Variants in PTPRA observed in about 807,000 individuals in gnomAD.
PTPRA encodes protein tyrosine phosphatase receptor type A, also known as receptor-type tyrosine-protein phosphatase alpha.
A neutral mutation model predicts 104.8 loss-of-function variants in PTPRA; 25 were observed. The observed-to-expected ratio is 0.24, with a 90% CI of 0.17 to 0.33. PTPRA has a LOEUF of 0.33. PTPRA is among the 10% of genes least tolerant of loss of function. PTPRA has a pLI of 1.00. For synonymous variants in PTPRA, 323 were observed against 368.9 expected, an observed-to-expected ratio of 0.88 and a Z score of 1.43; for missense variants, 765 against 1,015.3, an observed-to-expected ratio of 0.75 and a Z score of 3.35.
chr20:2,892,281 C>A (rs2058828304), intron 1 of PTPRA, among the ~76,000 whole-genome samples: 1 of 121,394 alleles, frequency 8.2e-6, no homozygotes, highest in African/African-American at 3.2e-5. Flanking sequence ...CAGAATGAGA[C>A]TCTGTCTCAA....
At chr20:2,987,035 T>C (rs2062939023) in intron 7 of PTPRA, among the ~76,000 whole-genome samples, 186 bp downstream of exon 7, 1 of 152,160 alleles carries the variant, frequency 6.6e-6, no homozygotes, top group East Asian at 1.9e-4. Flanking sequence ...ATAGTCTTCC[T>C]TAAGTCCTAA....
chr20:2,870,184 C>T (rs926896240), upstream of PTPRA, among the ~76,000 whole-genome samples: 115 of 151,954 alleles, frequency 7.6e-4, no homozygotes, highest in African/African-American at 2.7e-3. Flanking sequence ...GCCTGGCCAA[C>T]ATGGTGAAAC....
intron 20 of PTPRA, among the ~76,000 whole-genome samples, chr20:3,032,932 C>A (rs2065575932): frequency 6.6e-6 from 1 of 150,510 alleles, no homozygotes; most frequent in Admixed American, 6.7e-5. Context: ...TTTGTCCTTA[C>A]AGCAGCATTT....
chr20:2,926,233 C>A (rs902912744), intron 2 of PTPRA, among the ~76,000 whole-genome samples: 2 of 152,172 alleles, frequency 1.3e-5, no homozygotes, highest in East Asian at 3.8e-4. Context: ...CCTCAGACTT[C>A]TGTAACAAAA....
At chr20:3,031,585 C>G (rs2065456884) in intron 20 of PTPRA, among the ~76,000 whole-genome samples, 1 of 152,184 alleles carries the variant, frequency 6.6e-6, no homozygotes, top group Non-Finnish European at 1.5e-5. Context: ...AAGTCACCAT[C>G]TGCCCTGTAT....
At chr20:2,894,848 G>A (rs138735410) in intron 1 of PTPRA, among the ~76,000 whole-genome samples, 4 of 151,692 alleles carry the variant, frequency 2.6e-5, no homozygotes, top group African/African-American at 4.8e-5. Context: ...TTGGCCAGGC[G>A]TGGTGACGGG....
chr20:2,903,908 A>G (rs539730944), intron 1 of PTPRA, among the ~76,000 whole-genome samples: 3 of 151,530 alleles, frequency 2.0e-5, no homozygotes, highest in Admixed American at 6.6e-5. Flanking sequence ...GTGGGTTTCC[A>G]TAACTTTTTT....
chr20:2,866,850 C>T, the PTPRA span: 3 of 422,634 alleles, frequency 7.1e-6, no homozygotes, highest in Non-Finnish European at 1.3e-5. Context: ...GGGGGCTTCT[C>T]CAGCCATACT....
At chr20:3,013,767 A>G (rs1196165677) in intron 11 of PTPRA, among the ~76,000 whole-genome samples, 1 of 152,130 alleles carries the variant, frequency 6.6e-6, no homozygotes, top group Non-Finnish European at 1.5e-5. Flanking sequence ...TGTAGCTACC[A>G]CCTAGAGCCC....
intron 5 of PTPRA, among the ~76,000 whole-genome samples, chr20:2,974,098 A>G (rs2062316482): frequency 6.7e-6 from 1 of 150,168 alleles, no homozygotes; most frequent in African/African-American, 2.5e-5. Context: ...CTACAGGCGT[A>G]CACCACCACG....
At chr20:2,865,165 G>A in the PTPRA span, 1 of 1,614,150 alleles carries the variant, frequency 6.2e-7, no homozygotes, top group East Asian at 2.2e-5. The surrounding 1 kb of genome is among the most constrained non-coding windows in gnomAD (Gnocchi z 5.2). Flanking sequence ...AGGATCAAAT[G>A]CGGCTCCTAC....
chr20:2,891,833 T>C (rs757479326), intron 1 of PTPRA, among the ~76,000 whole-genome samples: 3 of 152,204 alleles, frequency 2.0e-5, no homozygotes, highest in Non-Finnish European at 2.9e-5. Flanking sequence ...CACATCCTCC[T>C]GTGTACTTTA....
At chr20:2,989,849 C>T (rs376389108) in intron 9 of PTPRA, among the ~76,000 whole-genome samples, 34 of 152,074 alleles carry the variant, frequency 2.2e-4, no homozygotes, top group Admixed American at 5.9e-4. Context: ...AACCCTGTCT[C>T]TACTAAAAAT....
chr20:2,893,551 A>G (rs2058880042), intron 1 of PTPRA, among the ~76,000 whole-genome samples: 1 of 152,166 alleles, frequency 6.6e-6, no homozygotes, highest in African/African-American at 2.4e-5. Flanking sequence ...ATGGTATATC[A>G]TATATATCAT....
the PTPRA span, among the ~76,000 whole-genome samples, chr20:2,868,419 A>G: frequency 6.9e-6 from 1 of 145,560 alleles, no homozygotes; most frequent in Admixed American, 7.2e-5. Context: ...CCTCCTCAGC[A>G]TCTCAAAGTG....
At chr20:2,951,671 C>G (rs761650295) in intron 3 of PTPRA, among the ~76,000 whole-genome samples, 4 of 152,182 alleles carry the variant, frequency 2.6e-5, no homozygotes, top group Non-Finnish European at 4.4e-5. Flanking sequence ...CATAAAGGCT[C>G]TTGCCCATGT....
At chr20:2,937,083 G>C (rs1019914478) in intron 2 of PTPRA, among the ~76,000 whole-genome samples, 5 of 149,504 alleles carry the variant, frequency 3.3e-5, no homozygotes, top group Admixed American at 3.3e-4. Context: ...AATGTAGTTA[G>C]TTTTAGTAGA....
chr20:3,037,940 CA>C lies in PTPRA; in HGVS notation c.2335-114del, dbSNP rs1182752485. On this transcript the variant is annotated intron_variant, in intron 23 of 23. Coordinates refer to ENST00000399903, the MANE Select transcript of PTPRA (RefSeq NM_001385305.1). This position sits in a 1 kb window ranked among gnomAD's most constrained non-coding sequence, Gnocchi z 4.3. ...GCAGATCAGAGCTCAGGTGAAAGTTCAAAAACATTCAGTTCCTCTTGATTTT... is the reference window on the plus strand; with the variant it reads ...GCAGATCAGAGCTCAGGTGAAAGTTCAAAACATTCAGTTCCTCTTGATTTT... The C allele has an allele frequency of 2.3e-6, 2 of 878,494 alleles. No individual in the cohort carries two copies. Among genetic ancestry groups the C allele is most frequent in the African/African-American group, 3.3e-5 (2 of 59,844 alleles). 54.4% of individuals were successfully genotyped at this position (878,494 alleles called of 1,614,324 possible).
chr20:2,933,220 T>A (rs941856941), intron 2 of PTPRA, among the ~76,000 whole-genome samples: 9 of 152,186 alleles, frequency 5.9e-5, no homozygotes, highest in African/African-American at 2.2e-4. Flanking sequence ...CATGTTGCTT[T>A]AATTTGCTTT....
Sources: allele counts gnomAD v4.1 joint callset (sites outside exome capture counted in the v4.1 genomes callset), GRCh38; gene constraint gnomAD v4.1.1; non-coding constraint Gnocchi (gnomAD v3.1); transcripts MANE v1.5; gene names NCBI Gene and HGNC (gene_info 2026-07-23, HGNC 2026-07-21).